The following NCALD variants were observed in gnomAD, a reference collection of about 807,000 sequenced individuals.
NCALD encodes the protein neurocalcin-delta.
A neutral mutation model predicts 18.6 loss-of-function variants in NCALD; 10 were observed. That is an observed-to-expected ratio of 0.54 (90% CI 0.33 to 0.91). The LOEUF (loss-of-function observed/expected upper bound fraction) is 0.91, where lower values mean the gene tolerates loss of function less well. Ranked by LOEUF, NCALD falls within the 40% of genes least tolerant of loss-of-function variation. NCALD has a pLI of 0.03. For synonymous variants in NCALD, 88 were observed against 87.4 expected, an observed-to-expected ratio of 1.01 and a Z score of -0.04; for missense variants, 184 against 247.6, an observed-to-expected ratio of 0.74 and a Z score of 1.72.
At chr8:101,782,336 A>G (rs1812051617) in intron 1 of NCALD, among the ~76,000 whole-genome samples, 1 of 152,120 alleles carries the variant, frequency 6.6e-6, no homozygotes, top group South Asian at 2.1e-4. Flanking sequence ...GATAATTCAC[A>G]TTTCTTAAAA....
In NCALD at chr8:102,020,603, G is replaced by C. The variant is rs76163005; in HGVS notation, c.-209-314C>G. On this transcript the variant is annotated intron_variant, in intron 1 of 6. Coordinates refer to the NCALD transcript ENST00000311028. Reference sequence around the variant, plus strand: ...ATCCCACTTCAATCCCACTAATCAAGTGAGTATGACTACTACCATGCTTGC... The same window carrying C: ...ATCCCACTTCAATCCCACTAATCAACTGAGTATGACTACTACCATGCTTGC... Among the ~76,000 whole-genome samples the C allele has an allele frequency of 1.5e-4, 23 of 152,298 alleles. No homozygotes were observed. The East Asian group carries it at 4.4e-3, about 29-fold the overall frequency.
At chr8:101,772,283 G>C (rs1811614975) in intron 1 of NCALD, among the ~76,000 whole-genome samples, 1 of 152,176 alleles carries the variant, frequency 6.6e-6, no homozygotes, top group Admixed American at 6.5e-5. Flanking sequence ...CATTCATCTA[G>C]CAAATATGTT....
chr8:101,720,082 A>G (rs982650968), intron 1 of NCALD, among the ~76,000 whole-genome samples: 1 of 152,212 alleles, frequency 6.6e-6, no homozygotes, highest in Non-Finnish European at 1.5e-5. Context: ...AAGGAGGAAG[A>G]GAGAGACCAA....
chr8:102,018,650 T>C (rs1407906131), intron 2 of NCALD, among the ~76,000 whole-genome samples: 1 of 152,198 alleles, frequency 6.6e-6, no homozygotes, highest in Non-Finnish European at 1.5e-5. Flanking sequence ...TACCTCTTGA[T>C]TGTGAGGTAA....
At chr8:101,930,596 A>G (rs11986127) in intron 2 of NCALD, among the ~76,000 whole-genome samples, 15,114 of 151,648 alleles carry the variant, frequency 0.1, 1,738 homozygotes, top group African/African-American at 0.28. Context: ...AAGCAGGAGA[A>G]GGCCTATGCT....
At chr8:101,703,360 A>G (rs1164793616) in intron 2 of NCALD, among the ~76,000 whole-genome samples, 1 of 152,192 alleles carries the variant, frequency 6.6e-6, no homozygotes, top group African/African-American at 2.4e-5. Context: ...ATCCCTTGGC[A>G]TCAGCACAGC....
At chr8:101,804,121 T>A (rs1040073987) in intron 4 of NCALD, among the ~76,000 whole-genome samples, 2 of 151,984 alleles carry the variant, frequency 1.3e-5, no homozygotes, top group African/African-American at 4.8e-5. Flanking sequence ...GCTCAGACGA[T>A]CATTAGTAAT....
chr8:101,737,782 A>G (rs930829493), intron 1 of NCALD, among the ~76,000 whole-genome samples: 2 of 152,092 alleles, frequency 1.3e-5, no homozygotes, highest in African/African-American at 4.8e-5. Flanking sequence ...GCACCTATGG[A>G]GTTTTGCTGT....
At chr8:101,990,213 T>C (rs1820987267) in intron 2 of NCALD, among the ~76,000 whole-genome samples, 1 of 152,156 alleles carries the variant, frequency 6.6e-6, no homozygotes, top group South Asian at 2.1e-4. Context: ...TCTCAACCTG[T>C]AAAAAGTGCA....
At chr8:101,774,521 C>T (rs1563755529) in intron 1 of NCALD, among the ~76,000 whole-genome samples, 1 of 152,190 alleles carries the variant, frequency 6.6e-6, no homozygotes, top group Non-Finnish European at 1.5e-5. Flanking sequence ...GAAAACTTTA[C>T]ATTAACTCAT....
intron 2 of NCALD, among the ~76,000 whole-genome samples, chr8:101,973,354 A>G (rs1360428656): frequency 6.6e-6 from 1 of 152,124 alleles, no homozygotes; most frequent in Admixed American, 6.5e-5. Context: ...AAGGCATATC[A>G]TAGGACGGCC....
At chr8:101,817,041 T>C in intron 4 of NCALD, among the ~76,000 whole-genome samples, 1 of 152,160 alleles carries the variant, frequency 6.6e-6, no homozygotes, top group East Asian at 1.9e-4. Flanking sequence ...TTCTATCCAT[T>C]TTAAGCCCAG....
intron 1 of NCALD, among the ~76,000 whole-genome samples, chr8:101,763,634 CTAAG>C (rs1811207148): frequency 6.6e-6 from 1 of 152,076 alleles, no homozygotes; most frequent in South Asian, 2.1e-4. Flanking sequence ...AGTCAGCAGA[CTAAG>C]TAAAGCAGTT....
intron 1 of NCALD, among the ~76,000 whole-genome samples, chr8:102,119,511 G>A (rs913216136): frequency 2.0e-5 from 3 of 152,190 alleles, no homozygotes; most frequent in African/African-American, 2.4e-5. Flanking sequence ...GCACAATAAT[G>A]TGAATGTATT....
At chr8:101,921,824 T>C (rs930586447) in intron 2 of NCALD, among the ~76,000 whole-genome samples, 2 of 152,246 alleles carry the variant, frequency 1.3e-5, no homozygotes, top group Non-Finnish European at 2.9e-5. Context: ...TTTGGTTTAA[T>C]AAAATGTAAT....
In NCALD at chr8:101,923,470, C is replaced by T. The variant is rs191627968; in HGVS notation, c.-156-7612G>A. 9.1e-4 allele frequency among the ~76,000 whole-genome samples: 139 copies of T among 152,292 alleles called. 2 individuals carry two copies. In the Middle Eastern group the frequency reaches 0.017, roughly 19 times the overall value. On this transcript the variant is annotated intron_variant, in intron 2 of 6. Transcript: ENST00000311028. ...CACTCACTATCACTAGCTCTCTATA[C>T]GCAGAAAATGATGTGTAATTGTTGT...
At chr8:102,103,536 T>G (rs1242740053) in intron 1 of NCALD, among the ~76,000 whole-genome samples, 3 of 152,132 alleles carry the variant, frequency 2.0e-5, no homozygotes, top group Non-Finnish European at 2.9e-5. Context: ...TGTTGGTTGT[T>G]TTTGTTTTCT....
intron 2 of NCALD, among the ~76,000 whole-genome samples, chr8:101,949,676 A>G (rs1819313669): frequency 6.6e-6 from 1 of 152,170 alleles, no homozygotes; most frequent in Non-Finnish European, 1.5e-5. Flanking sequence ...AAATAACTGA[A>G]GGCCATCCAA....
At chr8:101,842,693 G>T (rs146035478) in intron 4 of NCALD, among the ~76,000 whole-genome samples, 28 of 152,308 alleles carry the variant, frequency 1.8e-4, no homozygotes, top group Middle Eastern at 3.4e-3. Context: ...TTCCCAAAAG[G>T]CCCCCAACCT....
Sources: allele counts gnomAD v4.1 joint callset (sites outside exome capture counted in the v4.1 genomes callset), GRCh38; gene constraint gnomAD v4.1.1; transcripts MANE v1.5; gene names NCBI Gene and HGNC (gene_info 2026-07-23, HGNC 2026-07-21).